Variants in ZNF44 observed in about 807,000 individuals in gnomAD.
ZNF44 encodes gonadotropin inducible transcription repressor-2.
ZNF44 carries 9 observed loss-of-function variants against 11.7 expected under a neutral mutation model. That is an observed-to-expected ratio of 0.77 (90% confidence interval 0.46 to 1.35). The LOEUF is 1.35. ZNF44 is among the 40% of genes most tolerant of loss of function. The probability of loss-of-function intolerance (pLI) is 0.00; values close to 1 mark genes in which losing one functional copy is unlikely to be tolerated. For missense variants in ZNF44, 696 were observed against 743.1 expected, an observed-to-expected ratio of 0.94 and a Z score of 0.74; for synonymous variants, 224 against 242.7, an observed-to-expected ratio of 0.92 and a Z score of 0.72.
upstream of ZNF44, among the ~76,000 whole-genome samples, chr19:12,238,527 T>C (rs754576755): frequency 6.8e-6 from 1 of 147,214 alleles, no homozygotes; most frequent in Non-Finnish European, 1.5e-5. Flanking sequence ...GCTCGGGAGG[T>C]TGAGGCAGTA....
chr19:12,279,483 C>T (rs1967375230), intron 1 of ZNF44, among the ~76,000 whole-genome samples: 1 of 151,756 alleles, frequency 6.6e-6, no homozygotes, highest in South Asian at 2.1e-4. Context: ...TTTCAATACC[C>T]CCACCCCCAA....
downstream of ZNF44, among the ~76,000 whole-genome samples, chr19:12,244,070 C>G (rs949290498): frequency 6.6e-6 from 1 of 152,082 alleles, no homozygotes; most frequent in Non-Finnish European, 1.5e-5. Flanking sequence ...TGAGAGGGGT[C>G]TCATTATGTT....
chr19:12,226,990 TAGG>T (rs1023629407), intron 3 of ZNF44, among the ~76,000 whole-genome samples: 1 of 152,022 alleles, frequency 6.6e-6, no homozygotes, highest in Admixed American at 6.6e-5. Flanking sequence ...CGCTTGAATG[TAGG>T]AGGAGGCTGC....
At chr19:12,261,357 G>A (rs1168946950) in intron 5 of ZNF44, among the ~76,000 whole-genome samples, 6 of 152,252 alleles carry the variant, frequency 3.9e-5, no homozygotes, top group Non-Finnish European at 7.3e-5. Context: ...CAGGCATAGT[G>A]GCTCTGGTGG....
rs1316772737 is a variant in ZNF44, at chr19:12,279,470, C to T, written c.4-3388G>A. Among the ~76,000 whole-genome samples the T allele has an allele frequency of 5.3e-5, 8 of 152,060 alleles. No homozygotes were observed. In the East Asian group the frequency reaches 1.5e-3, roughly 29 times the overall value. ...ACCCAGTTATAACATTCAAATGTCT[C>T]CTTTTCAATACCCCCACCCCCAAAA... is the stretch of plus-strand genomic sequence containing the variant. On this transcript the variant is annotated intron_variant, in intron 1 of 3. Coordinates refer to ENST00000355684, the MANE Select transcript of ZNF44 (RefSeq NM_016264.4).
intron 1 of ZNF44, among the ~76,000 whole-genome samples, chr19:12,283,345 T>G (rs552890846): frequency 1.7e-4 from 26 of 152,264 alleles, no homozygotes; most frequent in African/African-American, 6.3e-4. Flanking sequence ...TTTTTCTTTT[T>G]GAGACAGAGT....
intron 1 of ZNF44, among the ~76,000 whole-genome samples, chr19:12,292,255 A>G (rs1263107136): frequency 6.6e-6 from 1 of 152,112 alleles, no homozygotes; most frequent in Non-Finnish European, 1.5e-5. Context: ...AGCTGCAGTG[A>G]GCCATGATGG....
intron 5 of ZNF44, among the ~76,000 whole-genome samples, chr19:12,255,934 G>A (rs1260595065): frequency 6.6e-6 from 1 of 151,360 alleles, no homozygotes. Context: ...TACTAGGGAG[G>A]CTGAGGCAGG....
rs966509360 is a variant in ZNF44 at position 12,272,399 on chromosome 19, C to G, written c.*8G>C. ...AAACCAATGAATGCTTTCCCACATT[C>G]CATACACTTATAGAATATCCTTCCA... On this transcript the variant is annotated 3_prime_UTR_variant, in exon 4 of 4. Transcript: ENST00000355684. The G allele has an allele frequency of 1.8e-5, 27 of 1,520,040 alleles. No individual in the cohort carries two copies. Among genetic ancestry groups the G allele is most frequent in the Non-Finnish European group, 2.3e-5 (26 of 1,137,886 alleles). The allele number at this position is 1,520,040 out of a possible 1,614,324, so 94.2% of individuals were successfully genotyped here. A position where few individuals can be genotyped will look rare whatever the true frequency, so the allele number is the denominator to read the frequency against.
chr19:12,278,657 G>C (rs1024885729), intron 1 of ZNF44, among the ~76,000 whole-genome samples: 1 of 151,900 alleles, frequency 6.6e-6, no homozygotes, highest in African/African-American at 2.4e-5. Flanking sequence ...AGCCTAGGAG[G>C]TTGAGGCTGC....
In ZNF44 at chr19:12,275,007, C is replaced by G. The variant is rs1401922612; in HGVS notation, c.157G>C (p.Asp53His). ...CTCCTGAGATTTTGGTGCTGATCATCAATGTTCTGGTTTTCCCATTTCATT... is the reference window on the plus strand; with the variant it reads ...CTCCTGAGATTTTGGTGCTGATCATGAATGTTCTGGTTTTCCCATTTCATT... ...IGMKWENQNI[D>H]DQHQNLRRNP... Residue 53 changes from aspartate to histidine, a missense_variant, in exon 3 of 4, where the codon GAT becomes CAT. Physicochemically the swap from Asp to His is moderately conservative, Grantham distance 81. Transcript: ENST00000355684. 2.5e-6 allele frequency: 4 copies of G among 1,590,760 alleles called. No homozygotes were observed. In the South Asian group the frequency reaches 4.6e-5, roughly 18 times the overall value.
At chr19:12,260,091 G>T in intron 5 of ZNF44, 1 of 607,658 alleles carries the variant, frequency 1.6e-6, no homozygotes. Flanking sequence ...TAAATACACA[G>T]GTCTCAGGCC....
chr19:12,265,590 T>C (rs560533673), intron 5 of ZNF44, among the ~76,000 whole-genome samples: 1 of 152,254 alleles, frequency 6.6e-6, no homozygotes, highest in Admixed American at 6.5e-5. Context: ...TCCGCAACTA[T>C]GCTCAAGGAC....
At chr19:12,246,111 C>T (rs980938298), downstream of ZNF44, among the ~76,000 whole-genome samples, 2 of 152,194 alleles carry the variant, frequency 1.3e-5, no homozygotes, top group African/African-American at 4.8e-5. Flanking sequence ...ATGCCTTCTT[C>T]AGTTCTGCCT....
At chr19:12,253,963 A>G (rs900969594) in intron 5 of ZNF44, among the ~76,000 whole-genome samples, 1 of 152,172 alleles carries the variant, frequency 6.6e-6, no homozygotes, top group Non-Finnish European at 1.5e-5. Flanking sequence ...TGGGTGACAC[A>G]GCGAGACTCT....
intron 3 of ZNF44, 73 bp from the exon 4 acceptor site, chr19:12,274,136 C>T: frequency 7.5e-7 from 1 of 1,327,510 alleles, no homozygotes; most frequent in Non-Finnish European, 1.0e-6. Context: ...ATTAGATTTA[C>T]ATTTTTAACA....
At chr19:12,255,645 T>TC (rs1917219655) in intron 5 of ZNF44, among the ~76,000 whole-genome samples, 1 of 152,152 alleles carries the variant, frequency 6.6e-6, no homozygotes, top group Admixed American at 6.6e-5. Flanking sequence ...GCATTTCTAT[T>TC]CAACATGGGA....
At chr19:12,281,063 T>C (rs1325337742) in intron 1 of ZNF44, among the ~76,000 whole-genome samples, 1 of 152,184 alleles carries the variant, frequency 6.6e-6, no homozygotes, top group Non-Finnish European at 1.5e-5. Context: ...TCACTAATGA[T>C]ATAGCTGAAC....
At chr19:12,274,792 CTATGTCACATTTAATAATATATT>C (rs947247429) in intron 3 of ZNF44, among the ~76,000 whole-genome samples, 158 bp downstream of exon 3, 17 of 152,154 alleles carry the variant, frequency 1.1e-4, no homozygotes, top group Non-Finnish European at 2.2e-4. Flanking sequence ...CACTGAATAG[CTATGTCACATTTAATAATATATT>C]TATGTCACAT....
Sources: allele counts gnomAD v4.1 joint callset (sites outside exome capture counted in the v4.1 genomes callset), GRCh38; gene constraint gnomAD v4.1.1; transcripts MANE v1.5; gene names NCBI Gene and HGNC (gene_info 2026-07-23, HGNC 2026-07-21).